Variants in SPIRE1 observed in about 807,000 individuals in gnomAD.
SPIRE1 encodes the protein protein spire homolog 1.
SPIRE1 carries 40 observed loss-of-function variants against 94.1 expected under a neutral mutation model. That is an observed-to-expected ratio of 0.43 (90% CI 0.33 to 0.55). The LOEUF is 0.55. SPIRE1 is among the 20% of genes least tolerant of loss of function. The pLI is 0.06. For missense variants in SPIRE1, 838 were observed against 975.2 expected (o/e 0.86, Z 1.87); for synonymous variants, 376 against 371.7 (o/e 1.01, Z -0.13).
chr18:12,593,953 G>GA (rs71371279), intron 2 of SPIRE1, among the ~76,000 whole-genome samples: 23,850 of 144,582 alleles, frequency 0.16, 2,122 homozygotes, highest in African/African-American at 0.22. Flanking sequence ...GCTGTCTCAA[G>GA]AAAAAAAAAA....
rs964687204 is a variant in SPIRE1, at chr18:12,472,367, CT to C, written c.1404+7331del. On this transcript the variant is annotated intron_variant, in intron 10 of 16. Coordinates refer to ENST00000409402, the MANE Select transcript of SPIRE1 (RefSeq NM_001128626.2). ...CATTATAGCGACACCATGCCCTGTG[CT>C]TTTTTTTTTTTTTTTTTGAGACAGG... Among the ~76,000 whole-genome samples, 1,155 of 134,966 alleles carry C rather than the reference CT, an allele frequency of 8.6e-3. 16 individuals carry two copies. The highest frequency in any genetic ancestry group is 0.018 in the South Asian group (76 of 4,198). The allele number at this position is 134,966 out of a possible 152,430, so 88.5% of individuals were successfully genotyped here.
chr18:12,478,098 C>T (rs2032676586), intron 10 of SPIRE1, among the ~76,000 whole-genome samples: 1 of 151,844 alleles, frequency 6.6e-6, no homozygotes, highest in African/African-American at 2.4e-5. Flanking sequence ...GTTTGAAAAA[C>T]CTTTAGTAGC....
At chr18:12,614,489 G>A (rs981621901) in intron 2 of SPIRE1, among the ~76,000 whole-genome samples, 3 of 152,144 alleles carry the variant, frequency 2.0e-5, no homozygotes, top group African/African-American at 7.2e-5. Flanking sequence ...AGGAGACTGG[G>A]AAAGAAGGGA....
At chr18:12,461,322 T>C (rs139188350) in intron 12 of SPIRE1, among the ~76,000 whole-genome samples, 3 of 152,202 alleles carry the variant, frequency 2.0e-5, no homozygotes, top group African/African-American at 7.2e-5. Context: ...AATGATAGAC[T>C]GGCTTCTAGG....
intron 4 of SPIRE1, among the ~76,000 whole-genome samples, chr18:12,534,457 G>A (rs2034780339): frequency 6.6e-6 from 1 of 152,168 alleles, no homozygotes; most frequent in Non-Finnish European, 1.5e-5. Flanking sequence ...ATTATTTTTA[G>A]GTATATATTT....
intron 6 of SPIRE1, among the ~76,000 whole-genome samples, chr18:12,504,970 G>C (rs983355908): frequency 6.6e-6 from 1 of 152,178 alleles, no homozygotes; most frequent in African/African-American, 2.4e-5. Context: ...CTAACAAGCA[G>C]AACCCTGCAG....
intron 1 of SPIRE1, among the ~76,000 whole-genome samples, chr18:12,657,271 G>C (rs2038571662): frequency 6.8e-6 from 1 of 147,950 alleles, no homozygotes; most frequent in Non-Finnish European, 1.5e-5. Context: ...GCGGCCCGCA[G>C]GCCCAGGCCC....
chr18:12,497,236 G>C (rs761344336), intron 6 of SPIRE1, among the ~76,000 whole-genome samples: 2 of 152,192 alleles, frequency 1.3e-5, no homozygotes, highest in Admixed American at 6.5e-5. Context: ...CTATTGTGGA[G>C]GACCAGTCTG....
At chr18:12,494,412 G>C (rs1156625686) in intron 7 of SPIRE1, among the ~76,000 whole-genome samples, 1 of 152,054 alleles carries the variant, frequency 6.6e-6, no homozygotes, top group African/African-American at 2.4e-5. Context: ...TGCTCCTTCT[G>C]TTCTACCATG....
chr18:12,523,284 T>C (rs575810366), intron 4 of SPIRE1, among the ~76,000 whole-genome samples: 160 of 152,264 alleles, frequency 1.1e-3, no homozygotes, highest in Non-Finnish European at 1.7e-3. Context: ...ATGAGAAAAC[T>C]TGAACTAATG....
chr18:12,548,659 T>A (rs1425766833), intron 2 of SPIRE1, among the ~76,000 whole-genome samples: 2 of 151,536 alleles, frequency 1.3e-5, no homozygotes, highest in African/African-American at 4.8e-5. Context: ...TCACCCGGGC[T>A]GGAGTGCAGT....
chr18:12,549,525 C>G (rs1334340136), intron 2 of SPIRE1, among the ~76,000 whole-genome samples: 1 of 132,222 alleles, frequency 7.6e-6, no homozygotes, highest in Admixed American at 8.6e-5. Flanking sequence ...GATCTCGGCT[C>G]ACTGCAATCT....
intron 6 of SPIRE1, among the ~76,000 whole-genome samples, chr18:12,496,456 G>A (rs941434064): frequency 9.2e-5 from 14 of 152,122 alleles, no homozygotes; most frequent in African/African-American, 3.1e-4. Context: ...TAGGTAGGCC[G>A]GGAGCAGTGG....
chr18:12,638,170 T>C (rs553961072), intron 1 of SPIRE1, among the ~76,000 whole-genome samples: 128 of 152,264 alleles, frequency 8.4e-4, no homozygotes, highest in African/African-American at 2.9e-3. Flanking sequence ...TTTGGCTGGG[T>C]GTGGTGTCTT....
intron 7 of SPIRE1, among the ~76,000 whole-genome samples, chr18:12,493,499 C>A (rs1190435194): frequency 6.6e-6 from 1 of 151,458 alleles, no homozygotes; most frequent in African/African-American, 2.4e-5. Flanking sequence ...CTCTGCCTCC[C>A]GGGTTCAAGC....
At chr18:12,644,198 C>CAA (rs58693692) in intron 1 of SPIRE1, among the ~76,000 whole-genome samples, 30,821 of 88,408 alleles carry the variant, frequency 0.35, 4,911 homozygotes, top group East Asian at 0.38. Flanking sequence ...AACTCCATCT[C>CAA]AAAAAAAAAA....
intron 2 of SPIRE1, among the ~76,000 whole-genome samples, chr18:12,564,183 G>A (rs1189697590): frequency 6.6e-6 from 1 of 152,052 alleles, no homozygotes; most frequent in Non-Finnish European, 1.5e-5. Flanking sequence ...ACATACTCAA[G>A]GATCTAATCA....
At chr18:12,637,292 G>C (rs901983366) in intron 1 of SPIRE1, among the ~76,000 whole-genome samples, 1 of 150,160 alleles carries the variant, frequency 6.7e-6, no homozygotes, top group African/African-American at 2.5e-5. Context: ...CCGGGAGGCA[G>C]AGCTTGCAGT....
chr18:12,617,815 C>T (rs1317032475), intron 2 of SPIRE1, among the ~76,000 whole-genome samples: 1 of 152,172 alleles, frequency 6.6e-6, no homozygotes, highest in Non-Finnish European at 1.5e-5. Flanking sequence ...CTCAGCCTCC[C>T]AAAGTGCTGG....
Sources: gnomAD v4.1 joint callset for allele counts (sites outside exome capture counted in the v4.1 genomes callset) on GRCh38, gnomAD v4.1.1 for gene constraint, MANE v1.5 for transcripts, NCBI Gene and HGNC (gene_info 2026-07-23, HGNC 2026-07-21) for gene names.